NAALADL2: variants seen among roughly 807,000 people sequenced by gnomAD.
NAALADL2 encodes inactive N-acetylated-alpha-linked acidic dipeptidase-like protein 2.
A neutral mutation model predicts 87.2 loss-of-function variants in NAALADL2; 76 were observed. The ratio of observed to expected loss-of-function variants is 0.87; its 90% CI spans 0.72 to 1.05. The LOEUF is 1.05. Ranked by LOEUF, NAALADL2 falls within the 50% of genes least tolerant of loss-of-function variation. NAALADL2 has a pLI of 0.00. For synonymous variants in NAALADL2, 354 were observed against 331.0 expected (o/e 1.07, Z -0.75); for missense variants, 1,089 against 945.8 (o/e 1.15, Z -1.99).
At chr3:175,327,791 T>C (rs186390454) in intron 5 of NAALADL2, among the ~76,000 whole-genome samples, 2 of 152,306 alleles carry the variant, frequency 1.3e-5, no homozygotes, top group East Asian at 1.9e-4. Flanking sequence ...CCTCTGCCCC[T>C]CTGGGTTAGT....
chr3:174,611,370 T>G (rs879760554), intron 2 of NAALADL2, among the ~76,000 whole-genome samples: 1 of 152,188 alleles, frequency 6.6e-6, no homozygotes, highest in Non-Finnish European at 1.5e-5. Flanking sequence ...ACTCTACAAC[T>G]TAACTTTATC....
chr3:174,897,272 C>A (rs1560337527), intron 1 of NAALADL2, among the ~76,000 whole-genome samples: 1 of 151,898 alleles, frequency 6.6e-6, no homozygotes, highest in Non-Finnish European at 1.5e-5. Flanking sequence ...ACCCCTCTGA[C>A]AAGGGATTAA....
At chr3:175,688,663 G>A (rs1736641596) in intron 11 of NAALADL2, among the ~76,000 whole-genome samples, 1 of 152,114 alleles carries the variant, frequency 6.6e-6, no homozygotes, top group Non-Finnish European at 1.5e-5. Context: ...GGCAGTTTAT[G>A]GACGGTGAGA....
At chr3:175,066,313 C>G (rs1364259025) in intron 1 of NAALADL2, among the ~76,000 whole-genome samples, 2 of 152,102 alleles carry the variant, frequency 1.3e-5, no homozygotes, top group Non-Finnish European at 2.9e-5. Flanking sequence ...ACCCTCCAAG[C>G]CTGGGTTAGG....
chr3:175,752,295 C>A (rs1323081721), intron 12 of NAALADL2, among the ~76,000 whole-genome samples: 4 of 151,982 alleles, frequency 2.6e-5, no homozygotes, highest in African/African-American at 9.7e-5. Flanking sequence ...GTTAATTATT[C>A]ATTGATTAAA....
At chr3:174,720,741 T>C (rs977191024) in intron 2 of NAALADL2, among the ~76,000 whole-genome samples, 1 of 152,168 alleles carries the variant, frequency 6.6e-6, no homozygotes, top group Admixed American at 6.5e-5. Context: ...TAAAATGCAG[T>C]TTTTACAATC....
At chr3:175,800,604 G>A (rs974415233) in intron 13 of NAALADL2, among the ~76,000 whole-genome samples, 71 of 151,884 alleles carry the variant, frequency 4.7e-4, no homozygotes, top group African/African-American at 1.6e-3. Context: ...TCTCTCCAAA[G>A]ATACAAAATC....
At chr3:174,987,195 T>C (rs1022783393) in intron 1 of NAALADL2, among the ~76,000 whole-genome samples, 1 of 152,124 alleles carries the variant, frequency 6.6e-6, no homozygotes, top group African/African-American at 2.4e-5. Flanking sequence ...TAACCAAAAA[T>C]ATGTACATGC....
At chr3:175,609,988 TA>T (rs1285876068) in intron 10 of NAALADL2, among the ~76,000 whole-genome samples, 2 of 150,804 alleles carry the variant, frequency 1.3e-5, no homozygotes, top group South Asian at 2.1e-4. Context: ...CTTTTCAATG[TA>T]AAAAAAAAGG....
Position 175,557,794 on chromosome 3 carries a change from G to A in NAALADL2, c.1654-18247G>A, listed in dbSNP as rs144292824. On this transcript the variant is annotated intron_variant, in intron 9 of 13. Transcript: ENST00000454872. ...TTGGATAACCGCCATTTTACCTAAG[G>A]TGATATGATACCACATTGTAGTTCT... is the stretch of plus-strand genomic sequence containing the variant. Among the ~76,000 whole-genome samples, 287 of 152,210 alleles carry A rather than the reference G, an allele frequency of 1.9e-3. 5 individuals carry two copies. The highest frequency in any genetic ancestry group is 3.4e-3 in the Middle Eastern group (1 of 292).
intron 1 of NAALADL2, among the ~76,000 whole-genome samples, chr3:174,868,490 C>T (rs1243438022): frequency 6.6e-6 from 1 of 152,126 alleles, no homozygotes; most frequent in African/African-American, 2.4e-5. Flanking sequence ...ATCATCAACA[C>T]CATCATTTTA....
chr3:174,753,230 T>A (rs1007294635), intron 3 of NAALADL2, among the ~76,000 whole-genome samples: 2 of 152,100 alleles, frequency 1.3e-5, no homozygotes, highest in East Asian at 1.9e-4. Flanking sequence ...TGCGCCACCA[T>A]GCCTGGCTAA....
At chr3:175,555,841 C>T (rs938689475) in intron 9 of NAALADL2, among the ~76,000 whole-genome samples, 3 of 152,092 alleles carry the variant, frequency 2.0e-5, no homozygotes, top group Non-Finnish European at 4.4e-5. Context: ...TCATATTTGG[C>T]TTATGGTTTC....
intron 2 of NAALADL2, among the ~76,000 whole-genome samples, chr3:175,194,115 T>G (rs1216487566): frequency 1.3e-5 from 2 of 151,886 alleles, no homozygotes; most frequent in East Asian, 3.8e-4. Context: ...GTGCTTAAAA[T>G]TTAATACCTC....
chr3:174,831,272 A>G (rs1000866418), intron 3 of NAALADL2, among the ~76,000 whole-genome samples: 5 of 149,844 alleles, frequency 3.3e-5, no homozygotes, highest in South Asian at 2.1e-4. Flanking sequence ...ATTATTTTGA[A>G]ATACGTCCCA....
chr3:175,163,773 G>T (rs532869020), intron 2 of NAALADL2, among the ~76,000 whole-genome samples: 6 of 152,218 alleles, frequency 3.9e-5, no homozygotes, highest in Admixed American at 1.3e-4. Flanking sequence ...GTGCTTCATT[G>T]CACCTTTTGG....
intron 5 of NAALADL2, among the ~76,000 whole-genome samples, chr3:175,394,056 G>T (rs758236262): frequency 3.3e-5 from 5 of 152,080 alleles, no homozygotes; most frequent in Non-Finnish European, 5.9e-5. Flanking sequence ...GAATTTCTAA[G>T]GCATTTTTGA....
Position 175,763,911 on chromosome 3 carries a change from T to G in NAALADL2, c.2189+8493T>G, listed in dbSNP as rs147087592. Among the ~76,000 whole-genome samples the G allele has an allele frequency of 3.6e-3, 554 of 152,146 alleles. 2 individuals carry two copies. The highest frequency in any genetic ancestry group is 0.013 in the African/African-American group (532 of 41,530). ...AAATTTTACAAAAGGATAGGAAATTTGGTGTGGCTTTGGAAAAGAGAATCA... is the reference window on the plus strand; with the variant it reads ...AAATTTTACAAAAGGATAGGAAATTGGGTGTGGCTTTGGAAAAGAGAATCA... On this transcript the variant is annotated intron_variant, in intron 13 of 13. Transcript: ENST00000454872.
intron 13 of NAALADL2, among the ~76,000 whole-genome samples, chr3:175,760,567 A>G (rs1282727308): frequency 1.3e-5 from 2 of 152,218 alleles, no homozygotes; most frequent in Non-Finnish European, 2.9e-5. Flanking sequence ...ACAAAATATC[A>G]GTACTATCAA....
Sources: gnomAD v4.1 joint callset for allele counts (sites outside exome capture counted in the v4.1 genomes callset) on GRCh38, gnomAD v4.1.1 for gene constraint, MANE v1.5 for transcripts, NCBI Gene and HGNC (gene_info 2026-07-23, HGNC 2026-07-21) for gene names.